The following MFAP5 variants were observed in gnomAD, a reference collection of about 807,000 sequenced individuals.
MFAP5 encodes the protein microfibril associated protein 5.
Under a neutral mutation model 30.1 loss-of-function variants are expected in MFAP5, and 19 were observed. That is an observed-to-expected ratio of 0.63 (90% CI 0.44 to 0.93). MFAP5 has a LOEUF of 0.93. Ranked by LOEUF, MFAP5 falls within the 40% of genes least tolerant of loss-of-function variation. MFAP5 has a pLI of 0.00. For missense variants in MFAP5, 210 were observed against 221.3 expected, an observed-to-expected ratio of 0.95 and a Z score of 0.32; for synonymous variants, 92 against 72.9, an observed-to-expected ratio of 1.26 and a Z score of -1.33.
chr12:8,654,970 A>T (rs1457128694), intron 5 of MFAP5, among the ~76,000 whole-genome samples: 1 of 150,774 alleles, frequency 6.6e-6, no homozygotes, highest in Non-Finnish European at 1.5e-5. Flanking sequence ...TAGCACTGTC[A>T]CTGAACAACA....
chr12:8,660,941 C>T, intron 2 of MFAP5, 43 bp from the exon 3 acceptor site: 1 of 1,533,930 alleles, frequency 6.5e-7, no homozygotes, highest in Non-Finnish European at 9.0e-7. Flanking sequence ...GACTGCAGCT[C>T]TATACCTCGT....
At chr12:8,649,198 C>G (rs188464290) in intron 9 of MFAP5, among the ~76,000 whole-genome samples, 1 of 152,200 alleles carries the variant, frequency 6.6e-6, no homozygotes, top group East Asian at 1.9e-4. Flanking sequence ...CCCTAGAACC[C>G]CAGTGAATGA....
rs375282066 is a variant in MFAP5, at chr12:8,654,980, A to G, written c.172+435T>C. 4.0e-5 allele frequency among the ~76,000 whole-genome samples: 6 copies of G among 150,430 alleles called. No homozygotes were observed. The East Asian group carries it at 5.9e-4, about 15-fold the overall frequency. ...AAAATTAGCACTGTCACTGAACAAC[A>G]CTCTCACAACCTCAGTATCCAAAGA... On this transcript the variant is annotated intron_variant, in intron 5 of 9. Coordinates refer to ENST00000359478, the MANE Select transcript of MFAP5 (RefSeq NM_003480.4).
At chr12:8,649,606 G>A in intron 8 of MFAP5, 32 bp from the exon 9 acceptor site, 1 of 1,595,238 alleles carries the variant, frequency 6.3e-7, no homozygotes, top group African/African-American at 1.3e-5. Context: ...AGGCAAGGAA[G>A]GAGATGGAAG....
At position 8,646,398 on chromosome 12, in the gene MFAP5, G is replaced by T. The variant is rs1009162392; in HGVS notation, c.*1693C>A. ...CCTAGCTCCTATTTGAATTCCATTG[G>T]CTTTTATAGAAAGTTATTGAGTTAG... On this transcript the variant is annotated 3_prime_UTR_variant, in exon 10 of 10. Coordinates refer to ENST00000359478, the MANE Select transcript of MFAP5 (RefSeq NM_003480.4). 6.6e-6 allele frequency: 1 copy of T among 151,986 alleles called. No individual in the cohort carries two copies. The highest frequency in any genetic ancestry group is 1.5e-5 in the Non-Finnish European group (1 of 68,012). The allele number at this position is 151,986 out of a possible 1,614,324, so 9.4% of individuals were successfully genotyped here.
At chr12:8,661,329 A>T (rs1942144848) in intron 2 of MFAP5, among the ~76,000 whole-genome samples, 1 of 152,196 alleles carries the variant, frequency 6.6e-6, no homozygotes, top group Non-Finnish European at 1.5e-5. Context: ...GGAAAAAAAT[A>T]GAGTAGGACA....
rs752036635 is a variant in MFAP5 at position 8,649,554 on chromosome 12, A to G, written c.356T>C (p.Val119Ala). 1 of 1,613,922 alleles carries G rather than the reference A, an allele frequency of 6.2e-7. No individual in the cohort carries two copies. The highest frequency in any genetic ancestry group is 1.7e-5 in the Admixed American group (1 of 59,998). ...CFTSLRRMYI[V>A]NKEICSRLVC... ...AAGACGAGAGCAGATCTCCTTGTTG[A>G]CGATGTACATACGTCGTAAACTGCA... Residue 119 changes from valine to alanine, a missense_variant, in exon 9 of 10, where the codon GTC becomes GCC. Transcript: ENST00000359478.
rs1314787904 is a variant in MFAP5, at chr12:8,650,604, T to G, written c.248-15A>C. The G allele has an allele frequency of 1.2e-6, 2 of 1,605,684 alleles. No individual in the cohort carries two copies. The highest frequency in any genetic ancestry group is 1.7e-6 in the Non-Finnish European group (2 of 1,176,174). The stretch of plus-strand genomic sequence containing the variant: ...ATCCCAGCACTCTGAGGAAGCCCAA[T>G]ACAAAAAAATAAGGAGGTCCAAATA... On this transcript the variant is annotated splice_polypyrimidine_tract_variant and intron_variant, in intron 7 of 9. Coordinates refer to ENST00000359478, the MANE Select transcript of MFAP5 (RefSeq NM_003480.4).
chr12:8,661,501 GTTC>G (rs1303678118), intron 2 of MFAP5, among the ~76,000 whole-genome samples: 1 of 151,164 alleles, frequency 6.6e-6, no homozygotes, highest in African/African-American at 2.4e-5. Context: ...TATTCCCACT[GTTC>G]TTCTTCAAGA....
At chr12:8,650,821 A>G (rs1358785661) in intron 7 of MFAP5, among the ~76,000 whole-genome samples, 1 of 152,220 alleles carries the variant, frequency 6.6e-6, no homozygotes, top group Non-Finnish European at 1.5e-5. Context: ...TGGATAAAAT[A>G]ATCTCTGAGA....
At position 8,646,383 on chromosome 12, in the gene MFAP5, AT is replaced by A. The variant is rs781752134; in HGVS notation, c.*1707del. ...TATAACTTGTTGTCTCCTAGCTCCT[AT>A]TTGAATTCCATTGGCTTTTATAGAA... On this transcript the variant is annotated 3_prime_UTR_variant, in exon 10 of 10. Coordinates refer to ENST00000359478, the MANE Select transcript of MFAP5 (RefSeq NM_003480.4). 187 of 152,308 alleles carry A rather than the reference AT, an allele frequency of 1.2e-3. No homozygotes were observed. The highest frequency in any genetic ancestry group is 4.2e-3 in the African/African-American group (176 of 41,576). The allele number at this position is 152,308 out of a possible 1,614,324, so 9.4% of individuals were successfully genotyped here.
rs1032583796 is a variant in MFAP5 at position 8,662,041 on chromosome 12, A to G, written c.58+6T>C. 6.2e-7 allele frequency: 1 copy of G among 1,613,304 alleles called. No individual in the cohort carries two copies. Among genetic ancestry groups the G allele is most frequent in the African/African-American group, 1.3e-5 (1 of 74,988 alleles). On this transcript the variant is annotated splice_donor_region_variant and intron_variant, in intron 2 of 9. Transcript: ENST00000359478. The stretch of plus-strand genomic sequence containing the variant: ...GGGTTTAGGGAGCAAAGAATAAAGG[A>G]CTCACCAGAGGTGATGATGAATGCA...
chr12:8,651,583 T>C (rs924849821), intron 7 of MFAP5, 79 bp downstream of exon 7: 2 of 1,379,824 alleles, frequency 1.4e-6, no homozygotes, highest in African/African-American at 2.9e-5. Context: ...ATGTGCCAAG[T>C]ACCCTCCAAA....
chr12:8,651,661 C>A lies in MFAP5; in HGVS notation c.247+1G>T. 1 of 1,613,910 alleles carries A rather than the reference C, an allele frequency of 6.2e-7. No individual in the cohort carries two copies. Among genetic ancestry groups the A allele is most frequent in the South Asian group, 1.1e-5 (1 of 91,076 alleles). ...AGAAGGCATGCAAGCAACAATCATA[C>A]CTGCAGTGGTATTTTTTTCACTGAG... On this transcript the variant is annotated splice_donor_variant, in intron 7 of 9. Coordinates refer to ENST00000359478, the MANE Select transcript of MFAP5 (RefSeq NM_003480.4). LOFTEE classifies it high-confidence loss of function.
intron 3 of MFAP5, among the ~76,000 whole-genome samples, chr12:8,659,686 G>A (rs1239487417): frequency 6.6e-6 from 1 of 151,964 alleles, no homozygotes; most frequent in East Asian, 1.9e-4. Context: ...AAAAATTTTT[G>A]TATTTTTATC....
rs1410933731 is a variant in MFAP5, at chr12:8,655,444, A to G, written c.143T>C (p.Leu48Pro). The change falls in exon 5 of 10, where the codon CTG becomes CCG. Residue 48 changes from leucine to proline, a missense_variant. Physicochemically the swap from Leu to Pro is moderately conservative, Grantham distance 98. Coordinates refer to ENST00000359478, the MANE Select transcript of MFAP5 (RefSeq NM_003480.4). ...TTCATCTGTAGCGGGATCATTCACC[A>G]GATCTGCAAAGACACATAACAAGGA... Reference protein sequence around the residue: ...TPETFTEDPNLVNDPATDETV... With the variant: ...TPETFTEDPNPVNDPATDETV... 42 of 1,607,808 alleles carry G rather than the reference A, an allele frequency of 2.6e-5. No individual in the cohort carries two copies. Among genetic ancestry groups the G allele is most frequent in the Non-Finnish European group, 3.4e-5 (40 of 1,177,900 alleles).
chr12:8,657,873 G>C (rs919081117), intron 3 of MFAP5, among the ~76,000 whole-genome samples: 7 of 152,036 alleles, frequency 4.6e-5, no homozygotes, highest in Non-Finnish European at 7.4e-5. Context: ...TGCCCGGCCT[G>C]ACTTCTTTTT....
chr12:8,661,065 A>G (rs1389231591), intron 2 of MFAP5, among the ~76,000 whole-genome samples, 167 bp from the exon 3 acceptor site: 2 of 152,214 alleles, frequency 1.3e-5, no homozygotes, highest in Non-Finnish European at 2.9e-5. Context: ...TGCTATGAAC[A>G]AAACCAATAG....
intron 8 of MFAP5, 52 bp from the exon 9 acceptor site, chr12:8,649,626 A>T: frequency 6.7e-7 from 1 of 1,484,574 alleles, no homozygotes. Context: ...GAAAGCCTTG[A>T]GAGGAGAACT....
Sources: allele counts gnomAD v4.1 joint callset (sites outside exome capture counted in the v4.1 genomes callset), GRCh38; gene constraint gnomAD v4.1.1; transcripts MANE v1.5; gene names NCBI Gene and HGNC (gene_info 2026-07-23, HGNC 2026-07-21).